Variants in TTC29 observed in about 807,000 individuals in gnomAD.
TTC29 encodes the protein tetratricopeptide repeat protein 29.
In TTC29, 49 loss-of-function variants were observed where a neutral mutation model predicts 58.1. That is an observed-to-expected ratio of 0.84 (90% CI 0.67 to 1.07). The LOEUF (loss-of-function observed/expected upper bound fraction) is 1.07, where lower values mean the gene tolerates loss of function less well. Among genes scored for constraint, TTC29 ranks in the 50% least tolerant of loss-of-function variants. TTC29 has a pLI of 0.00. For missense variants in TTC29, 582 were observed against 555.6 expected, an observed-to-expected ratio of 1.05 and a Z score of -0.48; for synonymous variants, 209 against 196.8, an observed-to-expected ratio of 1.06 and a Z score of -0.52.
chr4:146,921,170 C>T (rs554938364), intron 4 of TTC29, among the ~76,000 whole-genome samples: 31 of 151,486 alleles, frequency 2.0e-4, no homozygotes, highest in Middle Eastern at 6.8e-3. Context: ...ATATGATAAA[C>T]TTCCAGAACA....
chr4:146,916,700 T>A (rs1734244900), intron 4 of TTC29, among the ~76,000 whole-genome samples: 1 of 151,560 alleles, frequency 6.6e-6, no homozygotes, highest in Admixed American at 6.6e-5. Context: ...TGCAGTTACA[T>A]CATGTAAATT....
At chr4:146,827,677 T>C (rs1377882173) in intron 9 of TTC29, among the ~76,000 whole-genome samples, 1 of 152,196 alleles carries the variant, frequency 6.6e-6, no homozygotes, top group East Asian at 1.9e-4. Context: ...CACAAGTGGC[T>C]GTGGGATTAA....
At chr4:146,941,273 T>C (rs1736366146) in intron 2 of TTC29, among the ~76,000 whole-genome samples, 1 of 152,206 alleles carries the variant, frequency 6.6e-6, no homozygotes, top group East Asian at 1.9e-4. Flanking sequence ...GCTGAAAGGC[T>C]TGTTTTAGGT....
At chr4:146,749,399 C>A (rs1745797187) in intron 11 of TTC29, among the ~76,000 whole-genome samples, 1 of 151,666 alleles carries the variant, frequency 6.6e-6, no homozygotes, top group Non-Finnish European at 1.5e-5. Context: ...TAAAGAGATT[C>A]AACAGCAGGC....
intron 6 of TTC29, among the ~76,000 whole-genome samples, chr4:146,885,686 T>C (rs1322640757): frequency 1.3e-5 from 2 of 152,118 alleles, no homozygotes; most frequent in African/African-American, 2.4e-5. Context: ...TTATGATTGC[T>C]AGGTTGGCGC....
At chr4:146,733,528 A>C (rs1049157925) in intron 11 of TTC29, among the ~76,000 whole-genome samples, 6 of 152,084 alleles carry the variant, frequency 3.9e-5, no homozygotes, top group Admixed American at 6.6e-5. Flanking sequence ...CATATTTTAA[A>C]ATCTTATTAG....
At chr4:146,944,426 T>C (rs193058478) in intron 2 of TTC29, 1 of 152,326 alleles carries the variant, frequency 6.6e-6, no homozygotes, top group African/African-American at 2.4e-5. Context: ...ATGTGTCCCA[T>C]GGTGTGAGCT....
intron 9 of TTC29, among the ~76,000 whole-genome samples, chr4:146,826,076 G>A (rs1727775763): frequency 6.6e-6 from 1 of 152,080 alleles, no homozygotes; most frequent in African/African-American, 2.4e-5. Context: ...TTGCCAGTCT[G>A]TGTCTTTTAA....
At chr4:146,937,256 T>C (rs1437711889) in intron 4 of TTC29, among the ~76,000 whole-genome samples, 3 of 152,034 alleles carry the variant, frequency 2.0e-5, no homozygotes, top group Non-Finnish European at 4.4e-5. Context: ...AGAAAAGATA[T>C]ATAAATCTGT....
At chr4:146,904,923 C>T (rs141204040) in intron 5 of TTC29, among the ~76,000 whole-genome samples, 25 of 152,188 alleles carry the variant, frequency 1.6e-4, no homozygotes, top group African/African-American at 5.1e-4. Context: ...TTTCTAAAAC[C>T]GATTCTATTC....
chr4:146,820,101 T>A, intron 10 of TTC29, 24 bp downstream of exon 10: 1 of 1,609,784 alleles, frequency 6.2e-7, no homozygotes, highest in East Asian at 2.2e-5. Context: ...AATTTCTCTA[T>A]AAACAAGAAA....
chr4:146,789,246 A>C (rs1258849041), intron 11 of TTC29, among the ~76,000 whole-genome samples: 2 of 152,216 alleles, frequency 1.3e-5, no homozygotes, highest in Non-Finnish European at 2.9e-5. Flanking sequence ...ATTCATGAAG[A>C]AAAGCTAACC....
chr4:146,746,090 AGAGT>A (rs780560181), intron 11 of TTC29, among the ~76,000 whole-genome samples: 12 of 152,218 alleles, frequency 7.9e-5, no homozygotes, highest in African/African-American at 1.2e-4. Flanking sequence ...TCAGTCTCCT[AGAGT>A]GAGTGGAGTT....
At chr4:146,886,546 C>T (rs925611342) in intron 6 of TTC29, among the ~76,000 whole-genome samples, 6 of 152,074 alleles carry the variant, frequency 3.9e-5, no homozygotes, top group East Asian at 1.9e-4. Flanking sequence ...ACATGGGAAG[C>T]GTGGGCTAGG....
chr4:146,919,859 A>C (rs1734469210), intron 4 of TTC29, among the ~76,000 whole-genome samples: 1 of 151,220 alleles, frequency 6.6e-6, no homozygotes, highest in Non-Finnish European at 1.5e-5. Context: ...TATAAAGAAC[A>C]AACTTAGTAA....
chr4:146,863,532 A>G (rs1730379893), intron 8 of TTC29, among the ~76,000 whole-genome samples: 1 of 152,250 alleles, frequency 6.6e-6, no homozygotes, highest in East Asian at 1.9e-4. Flanking sequence ...CACCCTATGT[A>G]GCCATTTCTT....
At chr4:146,939,129 G>T (rs933847524) in intron 3 of TTC29, among the ~76,000 whole-genome samples, 3 of 152,054 alleles carry the variant, frequency 2.0e-5, no homozygotes, top group African/African-American at 4.8e-5. Flanking sequence ...CAAAACAGAA[G>T]TCAGCCCTTG....
intron 11 of TTC29, among the ~76,000 whole-genome samples, chr4:146,742,488 TTAAAAG>T (rs1745226580): frequency 6.6e-6 from 1 of 152,126 alleles, no homozygotes; most frequent in African/African-American, 2.4e-5. Flanking sequence ...CGTCTAATAA[TTAAAAG>T]TAAAAGAAAT....
intron 11 of TTC29, among the ~76,000 whole-genome samples, chr4:146,752,025 C>T (rs538449124): frequency 6.6e-6 from 1 of 152,094 alleles, no homozygotes; most frequent in South Asian, 2.1e-4. Context: ...GATGCCCTCT[C>T]TCACCACTGC....
Sources: gnomAD v4.1 joint callset for allele counts (sites outside exome capture counted in the v4.1 genomes callset) on GRCh38, gnomAD v4.1.1 for gene constraint, MANE v1.5 for transcripts, NCBI Gene and HGNC (gene_info 2026-07-23, HGNC 2026-07-21) for gene names.